JAKMIP1: variants seen among roughly 807,000 people sequenced by gnomAD.
JAKMIP1 encodes the protein janus kinase and microtubule interacting protein 1.
A neutral mutation model predicts 113.0 loss-of-function variants in JAKMIP1; 33 were observed. The observed-to-expected ratio is 0.29, with a 90% CI of 0.22 to 0.39. The LOEUF (loss-of-function observed/expected upper bound fraction) is 0.39, where lower values mean the gene tolerates loss of function less well. Ranked by LOEUF, JAKMIP1 falls within the 10% of genes least tolerant of loss-of-function variation. JAKMIP1 has a pLI of 1.00. For missense variants in JAKMIP1, 813 were observed against 1,080.5 expected, an observed-to-expected ratio of 0.75 and a Z score of 3.47; for synonymous variants, 480 against 459.9, an observed-to-expected ratio of 1.04 and a Z score of -0.56.
chr4:6,075,832 G>A (rs1014610456), intron 8 of JAKMIP1, among the ~76,000 whole-genome samples: 5 of 152,186 alleles, frequency 3.3e-5, no homozygotes, highest in African/African-American at 7.2e-5. Flanking sequence ...AGCAAATCAC[G>A]ATTCAATTCC....
intron 3 of JAKMIP1, among the ~76,000 whole-genome samples, chr4:6,095,825 C>T (rs1008017051): frequency 6.6e-6 from 1 of 152,184 alleles, no homozygotes; most frequent in African/African-American, 2.4e-5. Flanking sequence ...AGGCTCTGGG[C>T]TTTCACAGTG....
At chr4:6,171,369 CCTT>C (rs1724678856) in intron 1 of JAKMIP1, among the ~76,000 whole-genome samples, 1 of 150,780 alleles carries the variant, frequency 6.6e-6, no homozygotes, top group South Asian at 2.1e-4. Context: ...CTACCACCCT[CCTT>C]ACCACCATCA....
chr4:6,172,956 G>T (rs1467551496), intron 1 of JAKMIP1, among the ~76,000 whole-genome samples: 2 of 152,360 alleles, frequency 1.3e-5, no homozygotes, highest in South Asian at 4.1e-4. Context: ...CTGGGGTGAG[G>T]TTGGAGCTGA....
intron 1 of JAKMIP1, among the ~76,000 whole-genome samples, chr4:6,117,820 T>C (rs1303827923): frequency 6.6e-6 from 1 of 152,200 alleles, no homozygotes; most frequent in Non-Finnish European, 1.5e-5. Context: ...ATTTCTCCCA[T>C]TTGCTTTTGA....
intron 3 of JAKMIP1, among the ~76,000 whole-genome samples, chr4:6,099,664 G>C (rs1712676090): frequency 6.6e-6 from 1 of 152,176 alleles, no homozygotes. Context: ...CACTTCTCCT[G>C]TTCTTTATTC....
In JAKMIP1 at chr4:6,088,820, G is replaced by A. The variant is rs1417059770; in HGVS notation, c.625-3191C>T. On this transcript the variant is annotated intron_variant, in intron 3 of 20. Coordinates refer to ENST00000409021, the MANE Select transcript of JAKMIP1 (RefSeq NM_001099433.2). The surrounding 1 kb of genome is among the most constrained non-coding windows in gnomAD (Gnocchi z 5.5). ...TCAAGCTTCCTGGAACTGCTCACCT[G>A]ACCATATGGAACATCCCTCAGCTTC... 6.6e-6 allele frequency among the ~76,000 whole-genome samples: 1 copy of A among 152,128 alleles called. No homozygotes were observed. Among genetic ancestry groups the A allele is most frequent in the Non-Finnish European group, 1.5e-5 (1 of 68,028 alleles).
Position 6,199,362 on chromosome 4 carries a change from T to A in JAKMIP1, c.-148+891A>T, listed in dbSNP as rs1728195061. On this transcript the variant is annotated intron_variant, in intron 1 of 20. Transcript: ENST00000409021. This position sits in a 1 kb window ranked among gnomAD's most constrained non-coding sequence, Gnocchi z 5.6. ...GCGCCAGCCTCGTAAGCGGCCTCTA[T>A]CTGGGCTGCCCAGGCCGGATGCTCA... Among the ~76,000 whole-genome samples the A allele has an allele frequency of 6.6e-6, 1 of 152,124 alleles. No homozygotes were observed. Among genetic ancestry groups the A allele is most frequent in the South Asian group, 2.1e-4 (1 of 4,828 alleles).
rs1200010928 is a variant in JAKMIP1 at position 6,088,311 on chromosome 4, G to A, written c.625-2682C>T. 1.3e-5 allele frequency among the ~76,000 whole-genome samples: 2 copies of A among 152,198 alleles called. No individual in the cohort carries two copies. Among genetic ancestry groups the A allele is most frequent in the African/African-American group, 4.8e-5 (2 of 41,458 alleles). On this transcript the variant is annotated intron_variant, in intron 3 of 20. Coordinates refer to ENST00000409021, the MANE Select transcript of JAKMIP1 (RefSeq NM_001099433.2). The surrounding 1 kb of genome is among the most constrained non-coding windows in gnomAD (Gnocchi z 5.5). ...AACAACATCAAAGCAAAGGAAATCG[G>A]TAGGGGCAGTGGAGGGTGTTGCAAA...
chr4:6,068,440 G>A (rs747538392), intron 8 of JAKMIP1, among the ~76,000 whole-genome samples: 1 of 152,110 alleles, frequency 6.6e-6, no homozygotes, highest in Non-Finnish European at 1.5e-5. Flanking sequence ...GAATCCTGCA[G>A]CAATGCAGAG....
At chr4:6,111,142 C>T (rs1411230668) in intron 2 of JAKMIP1, among the ~76,000 whole-genome samples, 1 of 152,162 alleles carries the variant, frequency 6.6e-6, no homozygotes, top group African/African-American at 2.4e-5. Context: ...ATCCCAGGCC[C>T]CAGCCCCGTC....
Position 6,035,964 on chromosome 4 carries a change from G to A in JAKMIP1, c.2319C>T (p.Ser773=). The change falls in exon 19 of 21, where the codon AGC becomes AGT. Residue 773 remains serine (S), a synonymous_variant. Coordinates refer to ENST00000409021, the MANE Select transcript of JAKMIP1 (RefSeq NM_001099433.2). The stretch of plus-strand genomic sequence containing the variant: ...GCAGGATCTGGCTGTCGAACTCGCG[G>A]CTCTGCCTGAGGATCTGCCTGCGCA... ...EKVRRQILRQ[S]REFDSQILRE... 2 of 1,551,456 alleles carry A rather than the reference G, an allele frequency of 1.3e-6. No individual in the cohort carries two copies. The highest frequency in any genetic ancestry group is 4.9e-5 in the East Asian group (2 of 40,926).
chr4:6,145,176 T>C (rs1720680576), intron 1 of JAKMIP1, among the ~76,000 whole-genome samples: 1 of 152,206 alleles, frequency 6.6e-6, no homozygotes, highest in Admixed American at 6.5e-5. Flanking sequence ...AGCATGATCA[T>C]TAATAATGAA....
intron 12 of JAKMIP1, among the ~76,000 whole-genome samples, chr4:6,054,991 CGAGGCCTG>C (rs1407190769): frequency 1.3e-5 from 2 of 152,086 alleles, no homozygotes; most frequent in African/African-American, 2.4e-5. Context: ...AAAATTCTCC[CGAGGCCTG>C]GGGTTGCTCG....
intron 16 of JAKMIP1, among the ~76,000 whole-genome samples, chr4:6,046,298 G>C (rs565378994): frequency 2.3e-3 from 351 of 152,340 alleles, no homozygotes; most frequent in Non-Finnish European, 4.0e-3. Context: ...GGGAGGAGAC[G>C]AGCGGCAACA....
Position 6,197,516 on chromosome 4 carries a change from C to T in JAKMIP1, c.-148+2737G>A, listed in dbSNP as rs1727978862. Among the ~76,000 whole-genome samples the T allele has an allele frequency of 6.6e-6, 1 of 152,190 alleles. No homozygotes were observed. Among genetic ancestry groups the T allele is most frequent in the Non-Finnish European group, 1.5e-5 (1 of 68,040 alleles). ...CCCCCTTTTATACAGGAAATGGAGG[C>T]TCAGAGAGGTTAATCTTCTTACCCA... On this transcript the variant is annotated intron_variant, in intron 1 of 20. Coordinates refer to ENST00000409021, the MANE Select transcript of JAKMIP1 (RefSeq NM_001099433.2). This position sits in a 1 kb window ranked among gnomAD's most constrained non-coding sequence, Gnocchi z 6.5.
rs1363585436 is a variant in JAKMIP1, at chr4:6,183,327, A to C, written c.-148+16926T>G. On this transcript the variant is annotated intron_variant, in intron 1 of 20. Coordinates refer to ENST00000409021, the MANE Select transcript of JAKMIP1 (RefSeq NM_001099433.2). This position sits in a 1 kb window ranked among gnomAD's most constrained non-coding sequence, Gnocchi z 5.3. The stretch of plus-strand genomic sequence containing the variant: ...AACTCCGTCTGTACTAAAAATACAA[A>C]AATTAGCCGGGCTTGGTGGCGGGTG... Among the ~76,000 whole-genome samples the C allele has an allele frequency of 6.6e-6, 1 of 151,692 alleles. No individual in the cohort carries two copies. The highest frequency in any genetic ancestry group is 1.5e-5 in the Non-Finnish European group (1 of 67,950).
At position 6,094,796 on chromosome 4, in the gene JAKMIP1, C is replaced by T. The variant is rs1351629901; in HGVS notation, c.625-9167G>A. Among the ~76,000 whole-genome samples the T allele has an allele frequency of 2.1e-4, 32 of 152,124 alleles. No individual in the cohort carries two copies. The highest frequency in any genetic ancestry group is 2.1e-3 in the Admixed American group (32 of 15,274). The stretch of plus-strand genomic sequence containing the variant: ...TTTGCTTTAGCTCAGGAGTTCAAGA[C>T]CAGCCTGGGCAACATGGAGAAACCT... On this transcript the variant is annotated intron_variant, in intron 3 of 20. Transcript: ENST00000409021. This position sits in a 1 kb window ranked among gnomAD's most constrained non-coding sequence, Gnocchi z 4.2.
chr4:6,079,928 GA>G (rs564030088), intron 7 of JAKMIP1, among the ~76,000 whole-genome samples: 6 of 152,342 alleles, frequency 3.9e-5, no homozygotes, highest in Non-Finnish European at 5.9e-5. Flanking sequence ...GAAGATGTGA[GA>G]AAAGGGTAGC....
intron 1 of JAKMIP1, among the ~76,000 whole-genome samples, chr4:6,195,116 G>T (rs1379013902): frequency 1.3e-5 from 2 of 152,246 alleles, no homozygotes; most frequent in Non-Finnish European, 2.9e-5. Flanking sequence ...AGTTGCAGAG[G>T]GTTCAGGGGG....
Sources: allele counts gnomAD v4.1 joint callset (sites outside exome capture counted in the v4.1 genomes callset), GRCh38; gene constraint gnomAD v4.1.1; non-coding constraint Gnocchi (gnomAD v3.1); transcripts MANE v1.5; gene names NCBI Gene and HGNC (gene_info 2026-07-23, HGNC 2026-07-21).